The following ZNF462 variants were observed in gnomAD, a reference collection of about 807,000 sequenced individuals.
ZNF462 encodes the protein zinc finger PBX1-interacting protein.
ZNF462 carries 10 observed loss-of-function variants against 201.9 expected under a neutral mutation model. The ratio of observed to expected loss-of-function variants is 0.05; its 90% CI spans 0.03 to 0.08. The LOEUF is 0.08. Among genes scored for constraint, ZNF462 ranks in the 10% least tolerant of loss-of-function variants. The probability of loss-of-function intolerance (pLI) is 1.00; values close to 1 mark genes in which losing one functional copy is unlikely to be tolerated. For synonymous variants in ZNF462, 1,227 were observed against 1,193.3 expected (o/e 1.03, Z -0.58); for missense variants, 2,523 against 3,168.3 (o/e 0.80, Z 4.89).
At position 106,865,400 on chromosome 9, in the gene ZNF462, C is replaced by G. The variant is rs1027362897; in HGVS notation, c.-31+2045C>G. Among the ~76,000 whole-genome samples, 1 of 151,934 alleles carries G rather than the reference C, an allele frequency of 6.6e-6. No homozygotes were observed. Among genetic ancestry groups the G allele is most frequent in the Non-Finnish European group, 1.5e-5 (1 of 68,002 alleles). On this transcript the variant is annotated intron_variant, in intron 1 of 12. Transcript: ENST00000277225. This position sits in a 1 kb window ranked among gnomAD's most constrained non-coding sequence, Gnocchi z 4.1. ...CCCTAAGCTGAGATTTTTTTGAGTT[C>G]TAGGGTTTGGTTATCATCATGTTTT... is the stretch of plus-strand genomic sequence containing the variant.
rs1468993730 is a variant in ZNF462, at chr9:107,005,759, G to A, written c.7189+2333G>A. 6.6e-6 allele frequency among the ~76,000 whole-genome samples: 1 copy of A among 152,174 alleles called. No individual in the cohort carries two copies. The highest frequency in any genetic ancestry group is 2.4e-5 in the African/African-American group (1 of 41,444). On this transcript the variant is annotated intron_variant, in intron 11 of 12. Transcript: ENST00000277225. The surrounding 1 kb of genome is among the most constrained non-coding windows in gnomAD (Gnocchi z 4.4). ...GTCATATCCAAAAAATCATTGCCCA[G>A]ACCAATGTCATGGAGCTTTTCCCCT...
In ZNF462 at chr9:106,962,256, T is replaced by C. The variant is rs1831876143; in HGVS notation, c.6428-9749T>C. Reference sequence around the variant, plus strand: ...GTGAGTGGATCACAGAGATAGAGTTTCTCAGGAGGCTGAACCAACAGAGCT... The same window carrying C: ...GTGAGTGGATCACAGAGATAGAGTTCCTCAGGAGGCTGAACCAACAGAGCT... On this transcript the variant is annotated intron_variant, in intron 7 of 12. Coordinates refer to ENST00000277225, the MANE Select transcript of ZNF462 (RefSeq NM_021224.6). The surrounding 1 kb of genome is among the most constrained non-coding windows in gnomAD (Gnocchi z 4.6). 6.6e-6 allele frequency among the ~76,000 whole-genome samples: 1 copy of C among 152,042 alleles called. No individual in the cohort carries two copies. The highest frequency in any genetic ancestry group is 1.5e-5 in the Non-Finnish European group (1 of 67,974).
rs1564062620 is a variant in ZNF462, at chr9:106,864,086, CTCTCTCTCT to C, written c.-31+732_-31+740del. Among the ~76,000 whole-genome samples the C allele has an allele frequency of 8.2e-4, 110 of 134,762 alleles. 1 individual carries two copies. Among genetic ancestry groups the C allele is most frequent in the African/African-American group, 2.7e-3 (101 of 37,006 alleles). The allele number at this position is 134,762 out of a possible 152,430, so 88.4% of individuals were successfully genotyped here. A position where few individuals can be genotyped will look rare whatever the true frequency, so the allele number is the denominator to read the frequency against. ...TCTCTCTCTCTCTCTCTCTCTCTCT[CTCTCTCTCT>C]CTCTCTCTCTCTCTCCCTCTCCCCG... On this transcript the variant is annotated intron_variant, in intron 1 of 12. Coordinates refer to ENST00000277225, the MANE Select transcript of ZNF462 (RefSeq NM_021224.6).
In ZNF462 at chr9:106,931,603, A is replaced by C. The variant is rs1251030247; in HGVS notation, c.6013-843A>C. ...CAGCAGTCACTTTCTTTCAGACACC[A>C]CTGCGGTGTGTCCCAGGCTCGTTTC... is the stretch of plus-strand genomic sequence containing the variant. On this transcript the variant is annotated intron_variant, in intron 4 of 12. Transcript: ENST00000277225. 2.0e-5 allele frequency among the ~76,000 whole-genome samples: 3 copies of C among 152,166 alleles called. 1 individual carries two copies. Among genetic ancestry groups the C allele is most frequent in the Non-Finnish European group, 4.4e-5 (3 of 68,036 alleles).
chr9:106,998,551 C>T (rs115487550), intron 10 of ZNF462, among the ~76,000 whole-genome samples: 3,070 of 152,084 alleles, frequency 0.02, 96 homozygotes, highest in African/African-American at 0.07. Flanking sequence ...TTTGCAGTGT[C>T]CTCACTTCAT....
chr9:106,924,846 A>T lies in ZNF462; in HGVS notation c.934A>T (p.Ile312Leu), dbSNP rs764641033. 1 of 1,614,180 alleles carries T rather than the reference A, an allele frequency of 6.2e-7. No homozygotes were observed. The highest frequency in any genetic ancestry group is 8.5e-7 in the Non-Finnish European group (1 of 1,180,036). ...YLTMNAASRE[I>L]PNTTVSNFRG... is the part of the protein sequence containing the mutation. ...GACCATGAATGCTGCAAGCCGGGAG[A>T]TACCCAATACTACCGTCTCCAACTT... Residue 312 changes from isoleucine (I) to leucine (L), a missense_variant, in exon 3 of 13, where the codon ATA becomes TTA. Ile to Leu is a conservative substitution (Grantham distance 5). This residue lies in a region of ZNF462 where 480 missense variants were observed against 544.4 expected (regional missense o/e 0.88). Transcript: ENST00000277225. This position sits in a 1 kb window ranked among gnomAD's most constrained non-coding sequence, Gnocchi z 6.2.
At chr9:106,904,602 C>A (rs1159834791) in intron 1 of ZNF462, among the ~76,000 whole-genome samples, 1 of 152,110 alleles carries the variant, frequency 6.6e-6, no homozygotes, top group Admixed American at 6.6e-5. Context: ...TAACCCCAGA[C>A]TTCTTGGATG....
chr9:106,950,308 G>A lies in ZNF462; in HGVS notation c.6427+11201G>A, dbSNP rs1419151014. 1.3e-5 allele frequency among the ~76,000 whole-genome samples: 2 copies of A among 152,182 alleles called. No individual in the cohort carries two copies. The highest frequency in any genetic ancestry group is 4.1e-4 in the South Asian group (2 of 4,826). On this transcript the variant is annotated intron_variant, in intron 7 of 12. Transcript: ENST00000277225. This position sits in a 1 kb window ranked among gnomAD's most constrained non-coding sequence, Gnocchi z 4.1. ...GTATTTTCTTAAGTGAAAGAGACAG[G>A]AATAGAGCCACAACCAATGTGCTAG...
chr9:106,875,748 T>C (rs1587981866), intron 1 of ZNF462, among the ~76,000 whole-genome samples: 1 of 152,210 alleles, frequency 6.6e-6, no homozygotes, highest in East Asian at 1.9e-4. Flanking sequence ...TGTGACACTG[T>C]GAATCACTGG....
Position 106,890,452 on chromosome 9 carries a change from G to A in ZNF462, c.-31+27097G>A, listed in dbSNP as rs1588006708. On this transcript the variant is annotated intron_variant, in intron 1 of 12. Coordinates refer to ENST00000277225, the MANE Select transcript of ZNF462 (RefSeq NM_021224.6). The surrounding 1 kb of genome is among the most constrained non-coding windows in gnomAD (Gnocchi z 4.2). ...GGCATACAAAAATCTAGCACTTGAA[G>A]CCACTTAATCAAATATCATATCCAC... Among the ~76,000 whole-genome samples, 1 of 152,164 alleles carries A rather than the reference G, an allele frequency of 6.6e-6. No homozygotes were observed. The highest frequency in any genetic ancestry group is 1.5e-5 in the Non-Finnish European group (1 of 68,028).
chr9:106,987,471 A>G (rs183231844), intron 10 of ZNF462, among the ~76,000 whole-genome samples: 4 of 152,166 alleles, frequency 2.6e-5, no homozygotes, highest in South Asian at 4.2e-4. Flanking sequence ...TCTTCTTTTG[A>G]GAACTGTCTA....
Position 106,932,216 on chromosome 9 carries a change from A to G in ZNF462, c.6013-230A>G. ...AGAAAGCTGGAGGCAATGATGATGG[A>G]TATTTATTTTGTTGGTGGGGCATGT... On this transcript the variant is annotated intron_variant, in intron 4 of 12. Coordinates refer to ENST00000277225, the MANE Select transcript of ZNF462 (RefSeq NM_021224.6). The surrounding 1 kb of genome is among the most constrained non-coding windows in gnomAD (Gnocchi z 6.8). The G allele has an allele frequency of 1.3e-6, 2 of 1,545,316 alleles. No homozygotes were observed. Among genetic ancestry groups the G allele is most frequent in the Non-Finnish European group, 1.7e-6 (2 of 1,145,742 alleles).
At chr9:106,985,273 T>G (rs1483485491) in intron 10 of ZNF462, among the ~76,000 whole-genome samples, 5 of 152,152 alleles carry the variant, frequency 3.3e-5, no homozygotes, top group Non-Finnish European at 7.4e-5. Context: ...TTTTGCTAAC[T>G]ACAAAGATTT....
At position 106,885,056 on chromosome 9, in the gene ZNF462, C is replaced by A. The variant is rs1330826817; in HGVS notation, c.-31+21701C>A. On this transcript the variant is annotated intron_variant, in intron 1 of 12. Coordinates refer to ENST00000277225, the MANE Select transcript of ZNF462 (RefSeq NM_021224.6). This position sits in a 1 kb window ranked among gnomAD's most constrained non-coding sequence, Gnocchi z 4.1. ...AAGCAATGTATGTGTTCAACATAAC[C>A]TTTCTAGAGAGATTTCTGCTTTAAT... 6.6e-6 allele frequency among the ~76,000 whole-genome samples: 1 copy of A among 152,164 alleles called. No individual in the cohort carries two copies. The highest frequency in any genetic ancestry group is 1.5e-5 in the Non-Finnish European group (1 of 68,040).
chr9:106,984,517 G>T lies in ZNF462; in HGVS notation c.7056+108G>T, dbSNP rs1449770010. 3 of 847,600 alleles carry T rather than the reference G, an allele frequency of 3.5e-6. No homozygotes were observed. Among genetic ancestry groups the T allele is most frequent in the Non-Finnish European group, 5.4e-6 (3 of 550,568 alleles). 52.5% of individuals were successfully genotyped at this position (847,600 alleles called of 1,614,324 possible). A position where few individuals can be genotyped will look rare whatever the true frequency, so the allele number is the denominator to read the frequency against. ...ACCACTGTGTACCAGATGGAGATGT[G>T]GACTCAAAGAGCTTTTAAAGTGAGG... On this transcript the variant is annotated intron_variant, in intron 10 of 12. Coordinates refer to ENST00000277225, the MANE Select transcript of ZNF462 (RefSeq NM_021224.6). This position sits in a 1 kb window ranked among gnomAD's most constrained non-coding sequence, Gnocchi z 6.4.
intron 10 of ZNF462, among the ~76,000 whole-genome samples, chr9:107,001,314 G>A (rs905351575): frequency 5.9e-5 from 9 of 152,094 alleles, no homozygotes; most frequent in African/African-American, 1.2e-4. Flanking sequence ...ACATAACTTC[G>A]TAAATATGCA....
At position 107,009,583 on chromosome 9, in the gene ZNF462, A is replaced by G. The variant is rs771402348; in HGVS notation, c.7228A>G (p.Thr2410Ala). ...TTCTGACCACGGGGCTGCTCTTAAC[A>G]CTGAGAAGCGTTTTCCATGTGAATT... ...RFSDHGAALNTEKRFPCEFCG... is the reference protein window; with the variant it reads ...RFSDHGAALNAEKRFPCEFCG... Residue 2410 changes from threonine to alanine, a missense_variant, in exon 12 of 13, where the codon ACT (threonine) becomes GCT (alanine). Coordinates refer to ENST00000277225, the MANE Select transcript of ZNF462 (RefSeq NM_021224.6). The surrounding 1 kb of genome is among the most constrained non-coding windows in gnomAD (Gnocchi z 6.1). The G allele has an allele frequency of 1.9e-6, 3 of 1,613,826 alleles. No homozygotes were observed. Among genetic ancestry groups the G allele is most frequent in the Non-Finnish European group, 2.5e-6 (3 of 1,179,956 alleles).
At chr9:106,912,898 C>T (rs1829609715) in intron 1 of ZNF462, among the ~76,000 whole-genome samples, 3 of 152,326 alleles carry the variant, frequency 2.0e-5, no homozygotes, top group Admixed American at 1.3e-4. Flanking sequence ...GTTACACTCC[C>T]TCCACTGAAA....
At chr9:106,864,210 G>C (rs898981456) in intron 1 of ZNF462, among the ~76,000 whole-genome samples, 1 of 151,562 alleles carries the variant, frequency 6.6e-6, no homozygotes, top group Non-Finnish European at 1.5e-5. Flanking sequence ...GCGAGGAGCG[G>C]GGGGCACCGG....
Sources: allele counts gnomAD v4.1 joint callset (sites outside exome capture counted in the v4.1 genomes callset), GRCh38; gene constraint gnomAD v4.1.1; regional missense constraint gnomAD v4.1.1; non-coding constraint Gnocchi (gnomAD v3.1); transcripts MANE v1.5; gene names NCBI Gene and HGNC (gene_info 2026-07-23, HGNC 2026-07-21).